PCDHA9: variants seen among roughly 807,000 people sequenced by gnomAD.
PCDHA9 encodes the protein protocadherin alpha-9.
Under a neutral mutation model 62.0 loss-of-function variants are expected in PCDHA9, and 62 were observed. That is an observed-to-expected ratio of 1.00 (90% confidence interval 0.81 to 1.23). PCDHA9 has a LOEUF of 1.23. Among genes scored for constraint, PCDHA9 ranks in the 50% most tolerant of loss-of-function variants. The pLI is 0.00. For missense variants in PCDHA9, 1,205 were observed against 1,249.8 expected, an observed-to-expected ratio of 0.96 and a Z score of 0.54; for synonymous variants, 557 against 567.6, an observed-to-expected ratio of 0.98 and a Z score of 0.27.
chr5:140,966,022 T>G (rs2095958244), intron 1 of PCDHA9, among the ~76,000 whole-genome samples: 1 of 151,842 alleles, frequency 6.6e-6, no homozygotes, highest in South Asian at 2.1e-4. Flanking sequence ...GATGTGGGAG[T>G]CAGGTGAATA....
chr5:140,874,359 G>T (rs1456899858), intron 1 of PCDHA9, among the ~76,000 whole-genome samples: 1 of 152,176 alleles, frequency 6.6e-6, no homozygotes, highest in East Asian at 1.9e-4. Context: ...TTGAATTAAT[G>T]AATAAACTCA....
chr5:140,895,968 G>T lies in PCDHA9; in HGVS notation c.2394+45079G>T, dbSNP rs190056652. 4.1e-3 allele frequency among the ~76,000 whole-genome samples: 628 copies of T among 152,052 alleles called. 2 individuals are homozygous for T. Among genetic ancestry groups the T allele is most frequent in the Middle Eastern group, 6.8e-3 (2 of 294 alleles). On this transcript the variant is annotated intron_variant, in intron 1 of 3. Coordinates refer to ENST00000532602, the MANE Select transcript of PCDHA9 (RefSeq NM_031857.2). ...TGGGATTACAGGTGCCTGTCACCAG[G>T]CCTAGCTAATTTTTGTATTTTAAGT... is the stretch of plus-strand genomic sequence containing the variant.
At chr5:140,877,403 G>A (rs199806507) in intron 1 of PCDHA9, 243 of 1,613,770 alleles carry the variant, frequency 1.5e-4, no homozygotes, top group Non-Finnish European at 1.9e-4. Flanking sequence ...GACGCTCCGC[G>A]CCACCGCCTG....
intron 1 of PCDHA9, among the ~76,000 whole-genome samples, chr5:140,937,861 G>A (rs1159207693): frequency 6.6e-6 from 1 of 150,994 alleles, no homozygotes; most frequent in African/African-American, 2.4e-5. Context: ...GGAGTGAGCC[G>A]AGATCGCGCC....
In PCDHA9 at chr5:140,869,193, G is replaced by C. The variant is rs1215630740; in HGVS notation, c.2394+18304G>C. The C allele has an allele frequency of 1.9e-6, 3 of 1,614,040 alleles. No individual in the cohort carries two copies. In the African/African-American group the frequency reaches 4.0e-5, roughly 22 times the overall value. On this transcript the variant is annotated intron_variant, in intron 1 of 3. Transcript: ENST00000532602. Reference sequence around the variant, plus strand: ...AATTCTGGGAGGTGGGGAGCGGCCAGCTCCACTACTCCGTCTCGGAGGAGG... The same window carrying C: ...AATTCTGGGAGGTGGGGAGCGGCCACCTCCACTACTCCGTCTCGGAGGAGG...
At chr5:140,928,624 C>T (rs782032190) in intron 1 of PCDHA9, 1 of 1,614,242 alleles carries the variant, frequency 6.2e-7, no homozygotes, top group Non-Finnish European at 8.5e-7. Context: ...CAGGACTGGA[C>T]ACTTGGTCAC....
chr5:140,881,453 C>T (rs554262236), intron 1 of PCDHA9: 48 of 714,052 alleles, frequency 6.7e-5, no homozygotes, highest in Admixed American at 6.2e-5. Context: ...GAATCCAAAA[C>T]CTTAGAGCAT....
In PCDHA9 at chr5:140,928,308, C is replaced by T. The variant is rs1554205728; in HGVS notation, c.2395-50641C>T. On this transcript the variant is annotated intron_variant, in intron 1 of 3. Transcript: ENST00000532602. The stretch of plus-strand genomic sequence containing the variant: ...TAGGCCGAGTGTTTGCCCAGGACCC[C>T]GACCTGGGGAAGAATGGCCTTGTCT... 3.7e-6 allele frequency: 6 copies of T among 1,614,008 alleles called. No individual in the cohort carries two copies. The South Asian group carries it at 5.5e-5, about 15-fold the overall frequency.
chr5:140,887,004 C>T (rs1341039143), intron 1 of PCDHA9, among the ~76,000 whole-genome samples: 1 of 152,066 alleles, frequency 6.6e-6, no homozygotes, highest in African/African-American at 2.4e-5. Flanking sequence ...GTTGGTATCA[C>T]TTTCCTACTG....
chr5:140,861,571 A>C, intron 1 of PCDHA9: 1 of 372,012 alleles, frequency 2.7e-6, no homozygotes, highest in Non-Finnish European at 5.6e-6. Context: ...AAGCTGCTAC[A>C]GGTTTTCCAT....
chr5:140,871,193 T>G (rs782048235), intron 1 of PCDHA9: 2 of 1,613,630 alleles, frequency 1.2e-6, no homozygotes, highest in African/African-American at 1.3e-5. Flanking sequence ...GATGTCAACG[T>G]GTACCTGATC....
At chr5:140,969,161 G>A (rs782498682) in intron 1 of PCDHA9, 1 of 1,614,156 alleles carries the variant, frequency 6.2e-7, no homozygotes, top group South Asian at 1.1e-5. Context: ...CTGTCTGACA[G>A]CAGGCTCAGG....
At chr5:140,850,964 C>T in intron 1 of PCDHA9, 75 bp downstream of exon 1, 2 of 1,468,876 alleles carry the variant, frequency 1.4e-6, no homozygotes, top group Non-Finnish European at 1.8e-6. Flanking sequence ...TCCCAGGGGC[C>T]GTTCAAATAG....
chr5:141,003,511 C>T (rs2098128112), intron 3 of PCDHA9, among the ~76,000 whole-genome samples: 2 of 152,114 alleles, frequency 1.3e-5, no homozygotes, highest in African/African-American at 4.8e-5. Flanking sequence ...TGGGGTTTCA[C>T]CATGTTCCCT....
At chr5:140,968,921 T>C (rs111394602) in intron 1 of PCDHA9, 34 of 1,614,098 alleles carry the variant, frequency 2.1e-5, no homozygotes, top group Non-Finnish European at 2.6e-5. Context: ...GTCTTTTATA[T>C]TTCTTTTGAC....
chr5:140,850,551 G>T lies in PCDHA9; in HGVS notation c.2056G>T (p.Ala686Ser). The T allele has an allele frequency of 6.3e-7, 1 of 1,598,324 alleles. No individual in the cohort carries two copies. The highest frequency in any genetic ancestry group is 8.6e-7 in the Non-Finnish European group (1 of 1,167,816). ...GTCATCGTCGCGGGCGTCAGTGGGT[G>T]CCACGGGCCCCGAGGTGACGCTGGT... The part of the protein sequence containing the change: ...PKSSSRASVG[A>S]TGPEVTLVDV... Residue 686 changes from alanine (A) to serine (S), a missense_variant, in exon 1 of 4, where the codon GCC (alanine) becomes TCC (serine). By Grantham distance (99) the Ala-to-Ser change is moderately conservative (BLOSUM62 1). Coordinates refer to ENST00000532602, the MANE Select transcript of PCDHA9 (RefSeq NM_031857.2).
intron 1 of PCDHA9, chr5:140,868,870 C>T: frequency 1.6e-6 from 1 of 619,808 alleles, no homozygotes; most frequent in Admixed American, 3.3e-5. Flanking sequence ...ATGCAGTGCA[C>T]AGTACTCACA....
intron 1 of PCDHA9, among the ~76,000 whole-genome samples, chr5:140,972,665 T>A (rs1554234345): frequency 6.7e-6 from 1 of 148,584 alleles, no homozygotes; most frequent in Non-Finnish European, 1.5e-5. Flanking sequence ...ACCAAATTTT[T>A]TTTTTTTTTT....
At chr5:140,980,837 A>T (rs1189348118) in intron 2 of PCDHA9, among the ~76,000 whole-genome samples, 1 of 152,160 alleles carries the variant, frequency 6.6e-6, no homozygotes, top group Non-Finnish European at 1.5e-5. Context: ...TGTGAACCTA[A>T]ATAATACTAA....
Sources: allele counts gnomAD v4.1 joint callset (sites outside exome capture counted in the v4.1 genomes callset), GRCh38; gene constraint gnomAD v4.1.1; transcripts MANE v1.5; gene names NCBI Gene and HGNC (gene_info 2026-07-23, HGNC 2026-07-21).